The following WNT2B variants were observed in gnomAD, a reference collection of about 807,000 sequenced individuals.
WNT2B encodes the protein Wnt family member 2B, also known as protein Wnt-2b.
A neutral mutation model predicts 40.5 loss-of-function variants in WNT2B; 19 were observed. The ratio of observed to expected loss-of-function variants is 0.47; its 90% CI spans 0.33 to 0.69. The LOEUF (loss-of-function observed/expected upper bound fraction) is 0.69. Among genes scored for constraint, WNT2B ranks in the 30% least tolerant of loss-of-function variants. WNT2B has a pLI of 0.02. For missense variants in WNT2B, 467 were observed against 556.4 expected, an observed-to-expected ratio of 0.84 and a Z score of 1.62; for synonymous variants, 220 against 211.9, an observed-to-expected ratio of 1.04 and a Z score of -0.33.
intron 3 of WNT2B, 107 bp downstream of exon 3, chr1:112,516,524 G>T: frequency 3.5e-6 from 5 of 1,425,646 alleles, no homozygotes; most frequent in Non-Finnish European, 4.7e-6. Context: ...AGGCTTCTGG[G>T]TCACTTCCAA....
upstream of WNT2B, chr1:112,508,633 C>T (rs993545196): frequency 4.1e-5 from 35 of 844,508 alleles, no homozygotes; most frequent in Middle Eastern, 5.8e-4. This position sits in a 1 kb window ranked among gnomAD's most constrained non-coding sequence, Gnocchi z 4.2. Context: ...GTGCCCGCAT[C>T]CCCTTCCCGC....
upstream of WNT2B, among the ~76,000 whole-genome samples, chr1:112,508,334 C>T (rs547348905): frequency 1.3e-3 from 202 of 150,666 alleles, 1 homozygote; most frequent in Non-Finnish European, 2.5e-3. The surrounding 1 kb of genome is among the most constrained non-coding windows in gnomAD (Gnocchi z 4.2). Flanking sequence ...GAAAAGCACC[C>T]GGGCCGGGCA....
rs1652984346 is a variant in WNT2B, at chr1:112,523,320, G to C, written c.*2811G>C. 1 of 151,660 alleles carries C rather than the reference G, an allele frequency of 6.6e-6. No homozygotes were observed. The highest frequency in any genetic ancestry group is 2.1e-4 in the South Asian group (1 of 4,832). 9.4% of individuals were successfully genotyped at this position (151,660 alleles called of 1,614,324 possible). ...GGTTAAGAAAAGAGCAAGCTGTCCA[G>C]AGAGTGAGAAGTTTGAAAAGAGAGG... On this transcript the variant is annotated 3_prime_UTR_variant, in exon 5 of 5. Coordinates refer to ENST00000369684, the MANE Select transcript of WNT2B (RefSeq NM_024494.3).
At chr1:112,467,180 C>T (rs1650732989) in exon 1 of WNT2B, 1 of 278,508 alleles carries the variant, frequency 3.6e-6, no homozygotes, top group Admixed American at 5.0e-5. Flanking sequence ...ATATACAGTG[C>T]ACCAAGTTGC....
At chr1:112,477,169 T>G (rs1426082532) in intron 1 of WNT2B, among the ~76,000 whole-genome samples, 2 of 152,200 alleles carry the variant, frequency 1.3e-5, no homozygotes, top group Non-Finnish European at 2.9e-5. Context: ...TCTTTATATT[T>G]AGAGTACCCA....
At chr1:112,469,297 G>A (rs1650799746) in intron 1 of WNT2B, among the ~76,000 whole-genome samples, 1 of 152,118 alleles carries the variant, frequency 6.6e-6, no homozygotes, top group Admixed American at 6.6e-5. Flanking sequence ...TTTTTGCTCA[G>A]GATTACATTG....
chr1:112,489,185 CTT>C (rs1296209021), intron 1 of WNT2B, among the ~76,000 whole-genome samples: 1 of 151,572 alleles, frequency 6.6e-6, no homozygotes, highest in Non-Finnish European at 1.5e-5. Context: ...CAGTGCAACA[CTT>C]TGAGGGAATG....
intron 1 of WNT2B, among the ~76,000 whole-genome samples, chr1:112,471,463 A>G (rs1570758488): frequency 6.6e-6 from 1 of 152,192 alleles, no homozygotes; most frequent in African/African-American, 2.4e-5. Flanking sequence ...TAGATGTTCT[A>G]TTGGAGGTAT....
intron 1 of WNT2B, among the ~76,000 whole-genome samples, chr1:112,491,268 C>T (rs912998658): frequency 4.6e-5 from 7 of 151,960 alleles, no homozygotes; most frequent in Non-Finnish European, 7.4e-5. Context: ...ATTAGCTGGG[C>T]GTGGTGGTGG....
At chr1:112,484,379 C>A (rs1006617108) in intron 1 of WNT2B, among the ~76,000 whole-genome samples, 1 of 150,086 alleles carries the variant, frequency 6.7e-6, no homozygotes, top group Non-Finnish European at 1.5e-5. Flanking sequence ...CAGCTCACTG[C>A]AACCTCTACT....
chr1:112,470,359 C>T (rs1177289567), intron 1 of WNT2B, among the ~76,000 whole-genome samples: 4 of 152,088 alleles, frequency 2.6e-5, no homozygotes. Context: ...GAGGCTGAGG[C>T]GGGTGGATCA....
At chr1:112,471,565 G>T (rs1216286018) in intron 1 of WNT2B, among the ~76,000 whole-genome samples, 1 of 152,222 alleles carries the variant, frequency 6.6e-6, no homozygotes, top group East Asian at 1.9e-4. Flanking sequence ...TCAGTTTTTT[G>T]AGAGATTTCT....
intron 1 of WNT2B, among the ~76,000 whole-genome samples, chr1:112,493,784 T>C (rs192301077): frequency 6.6e-6 from 1 of 152,078 alleles, no homozygotes; most frequent in East Asian, 1.9e-4. Flanking sequence ...TTTGAAGCAA[T>C]GACTGTGAAT....
rs1001612429 is a variant in WNT2B, at chr1:112,524,202, C to T, written c.*3693C>T. The T allele has an allele frequency of 3.9e-5, 6 of 152,512 alleles. No homozygotes were observed. Among genetic ancestry groups the T allele is most frequent in the Admixed American group, 1.3e-4 (2 of 15,278 alleles). The allele number at this position is 152,512 out of a possible 1,614,324, so 9.4% of individuals were successfully genotyped here. On this transcript the variant is annotated 3_prime_UTR_variant, in exon 5 of 5. Coordinates refer to ENST00000369684, the MANE Select transcript of WNT2B (RefSeq NM_024494.3). ...TAAGTCTTTGCCAAATTCTCAGACCCACTCAGGACACGAGTCTCTACATGG... is the reference window on the plus strand; with the variant it reads ...TAAGTCTTTGCCAAATTCTCAGACCTACTCAGGACACGAGTCTCTACATGG...
At chr1:112,500,915 C>A (rs1329190989) in intron 1 of WNT2B, among the ~76,000 whole-genome samples, 2 of 152,212 alleles carry the variant, frequency 1.3e-5, no homozygotes, top group Admixed American at 1.3e-4. Context: ...ACAGTTGTCA[C>A]AACAGTGGAC....
intron 1 of WNT2B, among the ~76,000 whole-genome samples, chr1:112,490,201 ACT>A (rs1651553135): frequency 1.3e-5 from 2 of 152,054 alleles, no homozygotes; most frequent in Admixed American, 6.6e-5. Flanking sequence ...CATTAACTCG[ACT>A]CTCTGCATGT....
chr1:112,480,379 AAAAAG>A (rs199976732), intron 1 of WNT2B, among the ~76,000 whole-genome samples: 1,834 of 151,650 alleles, frequency 0.012, 32 homozygotes, highest in African/African-American at 0.042. Flanking sequence ...AAAAAAAAAA[AAAAAG>A]AGAAGACAGT....
At position 112,517,162 on chromosome 1, in the gene WNT2B, C is replaced by T. The variant is rs778478670; in HGVS notation, c.723C>T (p.Gly241=). The change falls in exon 4 of 5, where the codon GGC becomes GGT. Residue 241 remains glycine, a synonymous_variant. Transcript: ENST00000369684. ...RFLKLECKCH[G]VSGSCTLRTC... ...TGAAGCTGGAGTGTAAGTGCCATGG[C>T]GTGAGTGGTTCCTGTACTCTGCGCA... 53 of 1,613,856 alleles carry T rather than the reference C, an allele frequency of 3.3e-5. No individual in the cohort carries two copies. Among genetic ancestry groups the T allele is most frequent in the Non-Finnish European group, 4.4e-5 (52 of 1,179,896 alleles).
intron 1 of WNT2B, among the ~76,000 whole-genome samples, chr1:112,478,389 A>G (rs530475382): frequency 1.3e-5 from 2 of 152,308 alleles, no homozygotes; most frequent in South Asian, 4.1e-4. Context: ...AATCAACCCA[A>G]AGAAGACTAC....
Sources: gnomAD v4.1 joint callset for allele counts (sites outside exome capture counted in the v4.1 genomes callset) on GRCh38, gnomAD v4.1.1 for gene constraint, Gnocchi (gnomAD v3.1) non-coding constraint, MANE v1.5 for transcripts, NCBI Gene and HGNC (gene_info 2026-07-23, HGNC 2026-07-21) for gene names.